IPO11: variants seen among roughly 807,000 people sequenced by gnomAD.
The protein encoded by IPO11 is importin-11.
Under a neutral mutation model 143.2 loss-of-function variants are expected in IPO11, and 66 were observed. The observed-to-expected ratio is 0.46, with a 90% CI of 0.38 to 0.57. The LOEUF (loss-of-function observed/expected upper bound fraction) is 0.57. Ranked by LOEUF, IPO11 falls within the 20% of genes least tolerant of loss-of-function variation. The probability of loss-of-function intolerance (pLI) is 0.00; values close to 1 mark genes in which losing one functional copy is unlikely to be tolerated. For synonymous variants in IPO11, 385 were observed against 377.8 expected, an observed-to-expected ratio of 1.02 and a Z score of -0.22; for missense variants, 1,026 against 1,141.0, an observed-to-expected ratio of 0.90 and a Z score of 1.45.
chr5:62,441,596 A>G (rs1024387840), intron 2 of IPO11, among the ~76,000 whole-genome samples: 1 of 129,688 alleles, frequency 7.7e-6, no homozygotes, highest in African/African-American at 3.0e-5. Flanking sequence ...GCTCACTGCA[A>G]CCTCCGCCTC....
chr5:62,566,802 G>T (rs1178542051), intron 27 of IPO11, among the ~76,000 whole-genome samples: 1 of 151,446 alleles, frequency 6.6e-6, no homozygotes, highest in Non-Finnish European at 1.5e-5. Context: ...GTCACAATTA[G>T]AGTATAATTT....
chr5:62,472,624 G>A (rs1025164410), intron 7 of IPO11, among the ~76,000 whole-genome samples: 1 of 151,292 alleles, frequency 6.6e-6, no homozygotes, highest in African/African-American at 2.4e-5. Flanking sequence ...GCCTCCCAAG[G>A]TCAAGCGATT....
intron 16 of IPO11, among the ~76,000 whole-genome samples, chr5:62,502,140 T>C (rs1248721181): frequency 6.6e-6 from 1 of 152,228 alleles, no homozygotes; most frequent in African/African-American, 2.4e-5. Context: ...TTCATTTCCC[T>C]GTTTCTCTCA....
intron 19 of IPO11, among the ~76,000 whole-genome samples, chr5:62,514,216 T>G (rs1335821473): frequency 6.9e-6 from 1 of 144,718 alleles, no homozygotes; most frequent in Non-Finnish European, 1.5e-5. Context: ...CTGCAATCTC[T>G]GCACTTTGGG....
chr5:62,537,684 C>T (rs994590779), intron 24 of IPO11, among the ~76,000 whole-genome samples: 7 of 152,082 alleles, frequency 4.6e-5, no homozygotes, highest in Non-Finnish European at 8.8e-5. Context: ...AAAGTTTTCA[C>T]GTTATAATTT....
At chr5:62,416,715 CT>C (rs11295932) in intron 1 of IPO11, among the ~76,000 whole-genome samples, 60,246 of 143,908 alleles carry the variant, frequency 0.42, 12,387 homozygotes, top group East Asian at 0.6. Flanking sequence ...CTCTTATTAT[CT>C]TTTTTTTTTT....
chr5:62,565,675 G>A (rs908443268), intron 27 of IPO11, among the ~76,000 whole-genome samples: 2 of 151,564 alleles, frequency 1.3e-5, no homozygotes, highest in East Asian at 3.9e-4. Context: ...CATACTTTAA[G>A]TTCCAGGATA....
intron 5 of IPO11, among the ~76,000 whole-genome samples, chr5:62,456,699 C>T (rs764040770): frequency 6.6e-6 from 1 of 152,202 alleles, no homozygotes; most frequent in Non-Finnish European, 1.5e-5. Flanking sequence ...TGACTGTGTA[C>T]AAGAGATATG....
intron 3 of IPO11, among the ~76,000 whole-genome samples, chr5:62,444,055 C>T (rs1232372456): frequency 6.6e-6 from 1 of 151,684 alleles, no homozygotes; most frequent in Non-Finnish European, 1.5e-5. Flanking sequence ...TCAGGCTGCA[C>T]TTGGGATACT....
chr5:62,524,960 G>A (rs143339493), intron 20 of IPO11, among the ~76,000 whole-genome samples: 20 of 152,088 alleles, frequency 1.3e-4, no homozygotes, highest in Admixed American at 9.2e-4. Context: ...CTTTTTACCC[G>A]TTTTGTTTTC....
At chr5:62,445,847 T>C (rs2112150750) in intron 3 of IPO11, among the ~76,000 whole-genome samples, 1 of 152,298 alleles carries the variant, frequency 6.6e-6, no homozygotes, top group Middle Eastern at 3.4e-3. Flanking sequence ...TAAGTCAGTA[T>C]CATCTGTATT....
In IPO11 at chr5:62,496,586, A is replaced by G. The variant is rs1741167361; in HGVS notation, c.1590+2462A>G. On this transcript the variant is annotated intron_variant, in intron 16 of 29. Coordinates refer to ENST00000325324, the MANE Select transcript of IPO11 (RefSeq NM_016338.5). ...TTAAAATCAAGAATGTATAAGTCAT[A>G]CTGCTTTAATTTTCAGCCTTTGAGA... 8.5e-5 allele frequency among the ~76,000 whole-genome samples: 13 copies of G among 152,240 alleles called. No individual in the cohort carries two copies. In the South Asian group the frequency reaches 2.7e-3, roughly 31 times the overall value.
chr5:62,462,304 G>T (rs1745387876), intron 5 of IPO11, among the ~76,000 whole-genome samples: 1 of 151,704 alleles, frequency 6.6e-6, no homozygotes, highest in African/African-American at 2.4e-5. Flanking sequence ...CTTTTATTCA[G>T]TCTTGTCACA....
chr5:62,532,996 T>A (rs1742608636), intron 22 of IPO11, among the ~76,000 whole-genome samples: 1 of 152,152 alleles, frequency 6.6e-6, no homozygotes, highest in Non-Finnish European at 1.5e-5. Context: ...GTGATGTGGA[T>A]TCTATTATTT....
chr5:62,591,847 A>G (rs530566554), intron 28 of IPO11, among the ~76,000 whole-genome samples, 175 bp downstream of exon 28: 9 of 152,086 alleles, frequency 5.9e-5, no homozygotes, highest in Admixed American at 3.3e-4. Flanking sequence ...TCTTGGTATC[A>G]CCTTATTTAT....
At chr5:62,552,666 G>A (rs139199517) in intron 26 of IPO11, among the ~76,000 whole-genome samples, 11 of 152,038 alleles carry the variant, frequency 7.2e-5, no homozygotes, top group African/African-American at 1.4e-4. Context: ...CCATTACTAT[G>A]TATTTACTTT....
intron 20 of IPO11, among the ~76,000 whole-genome samples, chr5:62,525,921 A>AT (rs1246690060): frequency 6.6e-6 from 1 of 152,216 alleles, no homozygotes; most frequent in Non-Finnish European, 1.5e-5. Context: ...TGACATATAT[A>AT]TTTTTTAAAC....
intron 5 of IPO11, among the ~76,000 whole-genome samples, chr5:62,457,858 A>G (rs1414383296): frequency 6.6e-6 from 1 of 152,168 alleles, no homozygotes; most frequent in Non-Finnish European, 1.5e-5. Flanking sequence ...TATTTAAAAG[A>G]TAAATGCCGG....
chr5:62,470,109 C>T, intron 6 of IPO11, 141 bp from the exon 7 acceptor site: 1 of 711,368 alleles, frequency 1.4e-6, no homozygotes, highest in Admixed American at 2.7e-5. Flanking sequence ...ACTAATTTCC[C>T]AGCCAAATGA....
Sources: gnomAD v4.1 joint callset for allele counts (sites outside exome capture counted in the v4.1 genomes callset) on GRCh38, gnomAD v4.1.1 for gene constraint, MANE v1.5 for transcripts, NCBI Gene and HGNC (gene_info 2026-07-23, HGNC 2026-07-21) for gene names.